The following NREP variants were observed in gnomAD, a reference collection of about 807,000 sequenced individuals.
NREP encodes neuronal regeneration related protein, also known as neuronal regeneration-related protein.
A neutral mutation model predicts 8.6 loss-of-function variants in NREP; 5 were observed. The ratio of observed to expected loss-of-function variants is 0.58; its 90% confidence interval spans 0.30 to 1.22. NREP has a LOEUF of 1.22. NREP is among the 50% of genes most tolerant of loss of function. NREP has a pLI of 0.07. For missense variants in NREP, 86 were observed against 82.5 expected, an observed-to-expected ratio of 1.04 and a Z score of -0.17; for synonymous variants, 27 against 28.0, an observed-to-expected ratio of 0.96 and a Z score of 0.11.
intron 2 of NREP, among the ~76,000 whole-genome samples, chr5:111,927,193 G>A (rs146904644): frequency 1.8e-3 from 278 of 152,074 alleles, no homozygotes; most frequent in African/African-American, 6.0e-3. Context: ...CCTCTCCTGC[G>A]CCACTGAGGC....
chr5:111,744,075 A>G (rs569352863), intron 2 of NREP, among the ~76,000 whole-genome samples: 1 of 152,306 alleles, frequency 6.6e-6, no homozygotes, highest in African/African-American at 2.4e-5. Context: ...AAGAGTCTGA[A>G]GCGATTTCAA....
chr5:111,779,867 G>C (rs1751452312), intron 2 of NREP, among the ~76,000 whole-genome samples: 1 of 152,118 alleles, frequency 6.6e-6, no homozygotes, highest in Non-Finnish European at 1.5e-5. Context: ...GGGTACTTGA[G>C]GGCTCTCTCT....
At chr5:111,966,710 A>G (rs1335035196) in intron 2 of NREP, among the ~76,000 whole-genome samples, 1 of 152,220 alleles carries the variant, frequency 6.6e-6, no homozygotes, top group African/African-American at 2.4e-5. Context: ...AAGGCAAGAA[A>G]TTCCTTTTAC....
intron 2 of NREP, among the ~76,000 whole-genome samples, chr5:111,852,863 T>G (rs1023886939): frequency 6.6e-6 from 1 of 152,186 alleles, no homozygotes; most frequent in Admixed American, 6.6e-5. Context: ...TTTAGTCCTG[T>G]GTGACCTTGA....
intron 2 of NREP, among the ~76,000 whole-genome samples, chr5:111,743,326 C>T (rs1749801313): frequency 1.3e-5 from 2 of 151,642 alleles, no homozygotes; most frequent in South Asian, 2.1e-4. Context: ...CATTTAAGCA[C>T]TGCATAAGCT....
At chr5:111,756,331 G>C (rs1252318854) in intron 1 of NREP, 1 of 666,308 alleles carries the variant, frequency 1.5e-6, no homozygotes, top group Non-Finnish European at 1.8e-6. Context: ...GGCGGGGGGG[G>C]TGGGGGGAGT....
chr5:111,950,936 G>A (rs993828298), intron 2 of NREP, among the ~76,000 whole-genome samples: 13 of 152,020 alleles, frequency 8.6e-5, no homozygotes, highest in Non-Finnish European at 1.9e-4. Flanking sequence ...AACCTTCAAA[G>A]TGCAATTGAC....
intron 2 of NREP, among the ~76,000 whole-genome samples, chr5:111,820,782 G>T (rs1303694603): frequency 6.6e-6 from 1 of 152,124 alleles, no homozygotes; most frequent in African/African-American, 2.4e-5. Context: ...AAGATATAAA[G>T]AATTTTTGTG....
At chr5:111,813,476 G>A (rs7733570) in intron 2 of NREP, among the ~76,000 whole-genome samples, 149,439 of 152,260 alleles carry the variant, frequency 0.98, 73,401 homozygotes, top group East Asian at 1. Context: ...TAACATGCTT[G>A]TATTCGTTCA....
intron 2 of NREP, among the ~76,000 whole-genome samples, chr5:111,898,411 T>A (rs1754565304): frequency 6.6e-6 from 1 of 152,160 alleles, no homozygotes; most frequent in African/African-American, 2.4e-5. Context: ...AATCTCAAAG[T>A]TTCTGGCCTA....
At chr5:111,805,997 G>A (rs1752132413) in intron 2 of NREP, among the ~76,000 whole-genome samples, 1 of 152,216 alleles carries the variant, frequency 6.6e-6, no homozygotes, top group African/African-American at 2.4e-5. Flanking sequence ...GTATGTCAGA[G>A]CATCTTATTG....
rs140797077 is a variant in NREP, at chr5:111,910,889, C to G, written c.135+64385G>C. 1.8e-3 allele frequency among the ~76,000 whole-genome samples: 271 copies of G among 152,184 alleles called. 3 individuals carry two copies. The highest frequency in any genetic ancestry group is 6.3e-3 in the African/African-American group (263 of 41,536). On this transcript the variant is annotated intron_variant, in intron 2 of 3. Coordinates refer to the NREP transcript ENST00000395634. ...ATGGATAGCTGCTATTGTGACTCCT[C>G]CAAATGATCTCCTACTGCTCCAGCC...
intron 2 of NREP, among the ~76,000 whole-genome samples, chr5:111,970,028 C>A (rs1042847081): frequency 6.6e-6 from 1 of 152,198 alleles, no homozygotes; most frequent in Non-Finnish European, 1.5e-5. Flanking sequence ...AGGGGAAATT[C>A]TCTTTCCATT....
At chr5:111,855,061 G>A (rs145013563) in intron 2 of NREP, among the ~76,000 whole-genome samples, 3 of 152,010 alleles carry the variant, frequency 2.0e-5, no homozygotes, top group African/African-American at 4.8e-5. Flanking sequence ...GAATGAGTGG[G>A]TACATTTTTC....
intron 2 of NREP, among the ~76,000 whole-genome samples, chr5:111,826,681 C>T (rs1033376447): frequency 1.3e-5 from 2 of 152,330 alleles, no homozygotes; most frequent in East Asian, 3.9e-4. Flanking sequence ...ATTATAGGCA[C>T]GTGCCAGCAT....
chr5:111,879,737 G>T (rs980269404), intron 2 of NREP, among the ~76,000 whole-genome samples: 6 of 152,166 alleles, frequency 3.9e-5, no homozygotes, highest in African/African-American at 1.4e-4. Context: ...AGATTAAGGG[G>T]CCAGCATAGT....
chr5:111,935,693 A>G (rs1755663509), intron 2 of NREP, among the ~76,000 whole-genome samples: 1 of 152,116 alleles, frequency 6.6e-6, no homozygotes, highest in South Asian at 2.1e-4. Context: ...ATTAAAATAG[A>G]GTAAAATTGT....
chr5:111,936,488 G>A (rs1755686545), intron 2 of NREP, among the ~76,000 whole-genome samples: 1 of 152,018 alleles, frequency 6.6e-6, no homozygotes, highest in South Asian at 2.1e-4. Flanking sequence ...CCAGTCTCAG[G>A]TAGTTTCTTA....
At chr5:111,751,962 G>T (rs1407529479) in intron 2 of NREP, among the ~76,000 whole-genome samples, 1 of 152,160 alleles carries the variant, frequency 6.6e-6, no homozygotes, top group Non-Finnish European at 1.5e-5. Flanking sequence ...CAGTGCATCT[G>T]AATGCCACAT....
Sources: allele counts gnomAD v4.1 joint callset (sites outside exome capture counted in the v4.1 genomes callset), GRCh38; gene constraint gnomAD v4.1.1; transcripts MANE v1.5; gene names NCBI Gene and HGNC (gene_info 2026-07-23, HGNC 2026-07-21).